The following NAA35 variants were observed in gnomAD, a reference collection of about 807,000 sequenced individuals.
The protein encoded by NAA35 is N-alpha-acetyltransferase 35, NatC auxiliary subunit.
Under a neutral mutation model 101.7 loss-of-function variants are expected in NAA35, and 18 were observed. That is an observed-to-expected ratio of 0.18 (90% CI 0.12 to 0.26). The LOEUF (loss-of-function observed/expected upper bound fraction) is 0.26. Ranked by LOEUF, NAA35 falls within the 10% of genes least tolerant of loss-of-function variation. The probability of loss-of-function intolerance (pLI) is 1.00; values close to 1 mark genes in which losing one functional copy is unlikely to be tolerated. For missense variants in NAA35, 601 were observed against 886.8 expected (o/e 0.68, Z 4.09); for synonymous variants, 267 against 273.1 (o/e 0.98, Z 0.22).
Position 86,007,350 on chromosome 9 carries a change from G to C in NAA35, c.1117-8G>C, listed in dbSNP as rs1831691018. The stretch of plus-strand genomic sequence containing the variant: ...ACACCGTAACTAATATATAACATTT[G>C]TTTTAAGACCACTTTCCTGGTGGAT... On this transcript the variant is annotated splice_polypyrimidine_tract_variant and splice_region_variant and intron_variant, in intron 13 of 22. Coordinates refer to ENST00000361671, the MANE Select transcript of NAA35 (RefSeq NM_024635.4). The C allele has an allele frequency of 6.2e-7, 1 of 1,602,884 alleles. No individual in the cohort carries two copies. The highest frequency in any genetic ancestry group is 8.5e-7 in the Non-Finnish European group (1 of 1,170,508).
At chr9:86,008,919 T>C (rs1351875744) in intron 14 of NAA35, among the ~76,000 whole-genome samples, 2 of 152,220 alleles carry the variant, frequency 1.3e-5, no homozygotes, top group African/African-American at 4.8e-5. Context: ...TTTAGTCAGA[T>C]CATTTGTCCC....
intron 12 of NAA35, among the ~76,000 whole-genome samples, chr9:86,000,950 T>G (rs2118309691): frequency 6.6e-6 from 1 of 152,292 alleles, no homozygotes; most frequent in East Asian, 1.9e-4. Flanking sequence ...TTTTTTGTTC[T>G]TGGTTTCTCT....
intron 20 of NAA35, 116 bp from the exon 21 acceptor site, chr9:86,018,583 C>A: frequency 7.2e-7 from 1 of 1,385,798 alleles, no homozygotes; most frequent in Admixed American, 2.2e-5. Flanking sequence ...TGAATGTTTG[C>A]CCCAGTGTCT....
chr9:85,977,622 A>G (rs1830269844), intron 10 of NAA35, among the ~76,000 whole-genome samples, 176 bp downstream of exon 10: 1 of 152,174 alleles, frequency 6.6e-6, no homozygotes, highest in Admixed American at 6.5e-5. Context: ...AAATCACATG[A>G]ATTTTGTTTT....
rs544658260 is a variant in NAA35, at chr9:86,007,759, A to C, written c.1223+295A>C. 2.6e-5 allele frequency among the ~76,000 whole-genome samples: 4 copies of C among 152,360 alleles called. No individual in the cohort carries two copies. In the South Asian group the frequency reaches 8.3e-4, roughly 32 times the overall value. On this transcript the variant is annotated intron_variant, in intron 14 of 22. Coordinates refer to ENST00000361671, the MANE Select transcript of NAA35 (RefSeq NM_024635.4). The stretch of plus-strand genomic sequence containing the variant: ...AAACATGCTGCCATCAGAGGCTGAA[A>C]GGATTGCATGCAGAAAGAATCATCA...
chr9:85,957,646 C>G (rs1564289323), intron 3 of NAA35, among the ~76,000 whole-genome samples: 2 of 152,268 alleles, frequency 1.3e-5, no homozygotes, highest in African/African-American at 4.8e-5. Flanking sequence ...CTTGGAAAAA[C>G]AAAATAAATG....
intron 6 of NAA35, among the ~76,000 whole-genome samples, chr9:85,973,275 AT>A (rs1472857322): frequency 6.6e-6 from 1 of 152,182 alleles, no homozygotes; most frequent in Non-Finnish European, 1.5e-5. Context: ...GGACTTAGGG[AT>A]TTTGCTATGA....
intron 6 of NAA35, chr9:85,966,726 C>A: frequency 1.2e-6 from 1 of 859,702 alleles, no homozygotes; most frequent in Non-Finnish European, 1.7e-6. Context: ...GCTGTCTTGG[C>A]AAACAGTTTA....
intron 6 of NAA35, among the ~76,000 whole-genome samples, chr9:85,972,839 A>G (rs1830053600): frequency 6.6e-6 from 1 of 152,206 alleles, no homozygotes; most frequent in Admixed American, 6.5e-5. Flanking sequence ...GCACTATTCT[A>G]AGTCCTATAG....
At chr9:85,967,260 AGTT>A (rs1829787160) in intron 6 of NAA35, among the ~76,000 whole-genome samples, 1 of 152,234 alleles carries the variant, frequency 6.6e-6, no homozygotes, top group Non-Finnish European at 1.5e-5. Flanking sequence ...TTGAGTATGT[AGTT>A]ATTAACATGA....
chr9:85,953,491 A>T (rs529755509), intron 2 of NAA35, among the ~76,000 whole-genome samples: 1 of 152,210 alleles, frequency 6.6e-6, no homozygotes, highest in East Asian at 1.9e-4. Context: ...CAATGGTGCA[A>T]TCTCGGCTCA....
chr9:85,942,830 A>AT (rs1190485928), intron 2 of NAA35, among the ~76,000 whole-genome samples: 5 of 152,050 alleles, frequency 3.3e-5, no homozygotes, highest in Admixed American at 2.0e-4. Flanking sequence ...AGGTGTTTGC[A>AT]TTTTTTGTTT....
At position 86,022,356 on chromosome 9, in the gene NAA35, T is replaced by C. The variant is rs1245771782; in HGVS notation, c.*396T>C. ...TGTCCATGTTAAGAACTGAAGAAGG[T>C]GTATGCTCTTTAACATTTGAGTAGT... On this transcript the variant is annotated 3_prime_UTR_variant, in exon 23 of 23. Coordinates refer to ENST00000361671, the MANE Select transcript of NAA35 (RefSeq NM_024635.4). 2 of 155,476 alleles carry C rather than the reference T, an allele frequency of 1.3e-5. No individual in the cohort carries two copies. Among genetic ancestry groups the C allele is most frequent in the Admixed American group, 6.5e-5 (1 of 15,350 alleles). 9.6% of individuals were successfully genotyped at this position (155,476 alleles called of 1,614,324 possible). A position where few individuals can be genotyped will look rare whatever the true frequency, so the allele number is the denominator to read the frequency against.
intron 2 of NAA35, among the ~76,000 whole-genome samples, chr9:85,948,652 C>T (rs1237786297): frequency 1.3e-5 from 2 of 152,130 alleles, no homozygotes; most frequent in African/African-American, 2.4e-5. Context: ...GATATTATGT[C>T]TGGGTGCCTT....
At chr9:86,016,038 G>A (rs931033731) in intron 17 of NAA35, among the ~76,000 whole-genome samples, 13 of 151,154 alleles carry the variant, frequency 8.6e-5, no homozygotes, top group African/African-American at 2.4e-4. Context: ...TATATATCTC[G>A]TAGATTTGAA....
At chr9:85,976,388 T>C (rs1383018170) in intron 8 of NAA35, among the ~76,000 whole-genome samples, 1 of 152,178 alleles carries the variant, frequency 6.6e-6, no homozygotes, top group Non-Finnish European at 1.5e-5. Flanking sequence ...AATATCTCCT[T>C]TTAAAGGAAA....
Position 86,008,054 on chromosome 9 carries a change from A to G in NAA35, c.1223+590A>G, listed in dbSNP as rs114038860. Reference sequence around the variant, plus strand: ...ATGCCCTGGACCAGAGGTGTTTTAGATTTCTGATATTTTTGGATTTTTGAA... The same window carrying G: ...ATGCCCTGGACCAGAGGTGTTTTAGGTTTCTGATATTTTTGGATTTTTGAA... On this transcript the variant is annotated intron_variant, in intron 14 of 22. Transcript: ENST00000361671. Among the ~76,000 whole-genome samples the G allele has an allele frequency of 5.2e-3, 794 of 152,208 alleles. 8 individuals are homozygous for G. Among genetic ancestry groups the G allele is most frequent in the African/African-American group, 0.018 (742 of 41,524 alleles).
chr9:85,986,434 T>C (rs920281906), intron 11 of NAA35: 1 of 470,248 alleles, frequency 2.1e-6, no homozygotes, highest in Non-Finnish European at 4.4e-6. Flanking sequence ...GCTACTTGTT[T>C]TTTGTTTTAC....
At chr9:86,018,941 G>C in intron 21 of NAA35, 120 bp downstream of exon 21, 3 of 1,264,138 alleles carry the variant, frequency 2.4e-6, no homozygotes, top group Non-Finnish European at 2.1e-6. Context: ...AGAACTTGGC[G>C]TGTTTCTGCG....
Sources: allele counts gnomAD v4.1 joint callset (sites outside exome capture counted in the v4.1 genomes callset), GRCh38; gene constraint gnomAD v4.1.1; transcripts MANE v1.5; gene names NCBI Gene and HGNC (gene_info 2026-07-23, HGNC 2026-07-21).